Variants in ZNF804B observed in about 807,000 individuals in gnomAD.
ZNF804B encodes zinc finger 804B.
ZNF804B carries 80 observed loss-of-function variants against 101.4 expected under a neutral mutation model. The observed-to-expected ratio is 0.79, with a 90% CI of 0.66 to 0.95. The LOEUF is 0.95. Ranked by LOEUF, ZNF804B falls within the 40% of genes least tolerant of loss-of-function variation. The pLI, the probability that ZNF804B is intolerant of heterozygous loss-of-function variation, is 0.00. For synonymous variants in ZNF804B, 622 were observed against 558.8 expected (o/e 1.11, Z -1.59); for missense variants, 1,673 against 1,561.9 (o/e 1.07, Z -1.20).
chr7:88,794,189 G>A (rs768211942), intron 1 of ZNF804B: 9 of 1,603,712 alleles, frequency 5.6e-6, no homozygotes, highest in East Asian at 4.5e-5. Context: ...TCCTAGAAAC[G>A]TGAAGGAGCA....
intron 2 of ZNF804B, among the ~76,000 whole-genome samples, chr7:89,300,327 C>T (rs571835650): frequency 6.6e-6 from 1 of 151,830 alleles, no homozygotes; most frequent in East Asian, 1.9e-4. Flanking sequence ...TTATAAATGT[C>T]CTTCTCTTCC....
At chr7:89,148,714 T>A (rs767268023) in intron 1 of ZNF804B, among the ~76,000 whole-genome samples, 78 of 152,086 alleles carry the variant, frequency 5.1e-4, no homozygotes, top group Non-Finnish European at 9.4e-4. Flanking sequence ...GTGAACAGAA[T>A]TTTTAAAAAT....
Position 89,159,470 on chromosome 7 carries a change from G to A in ZNF804B, c.109-58685G>A, listed in dbSNP as rs1026391778. 8.5e-5 allele frequency among the ~76,000 whole-genome samples: 13 copies of A among 152,254 alleles called. 1 individual carries two copies. In the South Asian group the frequency reaches 1.7e-3, roughly 19 times the overall value. On this transcript the variant is annotated intron_variant, in intron 1 of 3. Transcript: ENST00000333190. ...AGGCTGAGCCCCAGTTACTTCACAT[G>A]TAAAATGGTGATTAGATTAAATGCT...
At chr7:89,261,312 C>T (rs1789709657) in intron 2 of ZNF804B, among the ~76,000 whole-genome samples, 1 of 152,060 alleles carries the variant, frequency 6.6e-6, no homozygotes, top group Non-Finnish European at 1.5e-5. Flanking sequence ...ATAAAGCAGA[C>T]TAGTATATAC....
chr7:89,050,298 G>T (rs1179358924), intron 1 of ZNF804B, among the ~76,000 whole-genome samples: 2 of 151,738 alleles, frequency 1.3e-5, no homozygotes, highest in African/African-American at 4.8e-5. Context: ...CAGATGAAGG[G>T]ATTATGGGTT....
Position 89,336,899 on chromosome 7 carries a change from C to T in ZNF804B, c.3917C>T (p.Ser1306Phe). The T allele has an allele frequency of 6.2e-7, 1 of 1,614,082 alleles. No individual in the cohort carries two copies. Among genetic ancestry groups the T allele is most frequent in the Non-Finnish European group, 8.5e-7 (1 of 1,179,992 alleles). ...CCTCACTTAAATCCAGCCACAACTT[C>T]TATCATCCACTTGAATCCTTTAATC... The part of the protein sequence containing the change: ...FGPHLNPATT[S>F]IIHLNPLIQP... The change falls in exon 4 of 4, where the codon TCT (serine) becomes TTT (phenylalanine). Residue 1306 changes from serine (S) to phenylalanine (F), a missense_variant. Physicochemically the swap from Ser to Phe is radical, Grantham distance 155. Transcript: ENST00000333190.
chr7:89,201,188 A>T (rs1294467183), intron 1 of ZNF804B, among the ~76,000 whole-genome samples: 1 of 152,096 alleles, frequency 6.6e-6, no homozygotes, highest in Non-Finnish European at 1.5e-5. Context: ...GCAGTTTCAC[A>T]GAATAGAGAT....
intron 1 of ZNF804B, among the ~76,000 whole-genome samples, chr7:88,897,577 C>G: frequency 6.6e-6 from 1 of 152,160 alleles, no homozygotes. Flanking sequence ...TACATTATGT[C>G]ATGAAACCTC....
intron 2 of ZNF804B, among the ~76,000 whole-genome samples, chr7:89,233,953 A>C (rs1456832717): frequency 1.3e-5 from 2 of 152,006 alleles, no homozygotes; most frequent in African/African-American, 4.8e-5. Context: ...TTTTGTGTCT[A>C]CTCCAGTGCA....
chr7:89,151,240 G>A (rs111368231), intron 1 of ZNF804B, among the ~76,000 whole-genome samples: 2,436 of 152,124 alleles, frequency 0.016, 67 homozygotes, highest in African/African-American at 0.056. Context: ...ACAAAATGTG[G>A]TATATAATGG....
chr7:88,938,397 G>A (rs114961395), intron 1 of ZNF804B, among the ~76,000 whole-genome samples: 66 of 152,062 alleles, frequency 4.3e-4, no homozygotes, highest in African/African-American at 1.5e-3. Flanking sequence ...ATAGATGCAT[G>A]TTCTTCCCCA....
At chr7:88,803,113 T>G (rs1326172894) in intron 1 of ZNF804B, among the ~76,000 whole-genome samples, 1 of 152,158 alleles carries the variant, frequency 6.6e-6, no homozygotes, top group African/African-American at 2.4e-5. Flanking sequence ...ATATTTGTTT[T>G]GTATTTTCCA....
chr7:88,926,854 T>C (rs539784137), intron 1 of ZNF804B, among the ~76,000 whole-genome samples: 1 of 151,622 alleles, frequency 6.6e-6, no homozygotes, highest in East Asian at 2.0e-4. Context: ...CTAGCAATTG[T>C]GTAGACTTTT....
intron 2 of ZNF804B, among the ~76,000 whole-genome samples, chr7:89,324,405 T>G (rs1325057428): frequency 6.6e-6 from 1 of 151,912 alleles, no homozygotes; most frequent in African/African-American, 2.4e-5. Context: ...TCTTTTCTTT[T>G]GACTCATTTT....
At position 89,336,877 on chromosome 7, in the gene ZNF804B, C is replaced by T. The variant is rs765302603; in HGVS notation, c.3895C>T (p.His1299Tyr). The T allele has an allele frequency of 6.2e-7, 1 of 1,614,128 alleles. No homozygotes were observed. Among genetic ancestry groups the T allele is most frequent in the South Asian group, 1.1e-5 (1 of 91,086 alleles). The change falls in exon 4 of 4, where the codon CAC (histidine) becomes TAC (tyrosine). Residue 1299 changes from histidine (H) to tyrosine (Y), a missense_variant. By Grantham distance (83) the His-to-Tyr change is moderately conservative. Transcript: ENST00000333190. Reference sequence around the variant, plus strand: ...ATTTATTCCTACATTGTTTGGTCCTCACTTAAATCCAGCCACAACTTCTAT... The same window carrying T: ...ATTTATTCCTACATTGTTTGGTCCTTACTTAAATCCAGCCACAACTTCTAT... ...TAFIPTLFGPHLNPATTSIIH... is the reference protein window; with the variant it reads ...TAFIPTLFGPYLNPATTSIIH...
At chr7:88,942,447 A>G (rs1237953950) in intron 1 of ZNF804B, among the ~76,000 whole-genome samples, 1 of 151,762 alleles carries the variant, frequency 6.6e-6, no homozygotes, top group African/African-American at 2.4e-5. Flanking sequence ...AGATTGAAGT[A>G]GAGTGGAATA....
In ZNF804B at chr7:89,187,341, T is replaced by C. The variant is rs1232438065; in HGVS notation, c.109-30814T>C. ...GATCATATTCTTTCTCACCAGTCGA[T>C]TGCAAATGGGAAAGTACATCAGTAA... On this transcript the variant is annotated intron_variant, in intron 1 of 3. Transcript: ENST00000333190. Among the ~76,000 whole-genome samples, 106 of 152,268 alleles carry C rather than the reference T, an allele frequency of 7.0e-4. 2 individuals are homozygous for C. Among genetic ancestry groups the C allele is most frequent in the Non-Finnish European group, 2.2e-4 (15 of 68,016 alleles).
intron 1 of ZNF804B, among the ~76,000 whole-genome samples, chr7:88,819,106 T>A (rs934468002): frequency 6.6e-6 from 1 of 152,070 alleles, no homozygotes; most frequent in African/African-American, 2.4e-5. Context: ...TGAAAGTATA[T>A]CCACATTTTC....
chr7:89,216,660 A>C (rs764084921), intron 1 of ZNF804B, among the ~76,000 whole-genome samples: 1 of 152,194 alleles, frequency 6.6e-6, no homozygotes, highest in South Asian at 2.1e-4. Context: ...TCTTTTTGCC[A>C]TGTGTTTTAC....
Sources: allele counts gnomAD v4.1 joint callset (sites outside exome capture counted in the v4.1 genomes callset), GRCh38; gene constraint gnomAD v4.1.1; transcripts MANE v1.5; gene names NCBI Gene and HGNC (gene_info 2026-07-23, HGNC 2026-07-21).